Variants in NALCN observed in about 807,000 individuals in gnomAD.
NALCN encodes sodium leak channel NALCN.
A neutral mutation model predicts 225.3 loss-of-function variants in NALCN; 111 were observed. That is an observed-to-expected ratio of 0.49 (90% confidence interval 0.42 to 0.58). NALCN has a LOEUF of 0.58. NALCN is among the 20% of genes least tolerant of loss of function. The pLI, the probability that NALCN is intolerant of heterozygous loss-of-function variation, is 0.00. For synonymous variants in NALCN, 764 were observed against 769.0 expected, an observed-to-expected ratio of 0.99 and a Z score of 0.11; for missense variants, 1,378 against 2,202.4, an observed-to-expected ratio of 0.63 and a Z score of 7.49.
intron 10 of NALCN, among the ~76,000 whole-genome samples, chr13:101,266,131 A>G (rs2042588657): frequency 6.6e-6 from 1 of 152,180 alleles, no homozygotes; most frequent in Admixed American, 6.5e-5. Flanking sequence ...TGTAAAACGA[A>G]AATAAATGAG....
chr13:101,172,617 T>C (rs972754826), intron 15 of NALCN, among the ~76,000 whole-genome samples: 1 of 152,204 alleles, frequency 6.6e-6, no homozygotes, highest in Non-Finnish European at 1.5e-5. Flanking sequence ...TGGAGTACAG[T>C]GGCGCCATCT....
intron 10 of NALCN, among the ~76,000 whole-genome samples, chr13:101,283,354 G>A (rs2043231365): frequency 6.6e-6 from 1 of 152,088 alleles, no homozygotes; most frequent in African/African-American, 2.4e-5. Context: ...TGTTGTCAAT[G>A]GCAGCTTGGA....
chr13:101,335,595 G>A (rs1340400102), intron 7 of NALCN, among the ~76,000 whole-genome samples: 1 of 151,922 alleles, frequency 6.6e-6, no homozygotes, highest in Non-Finnish European at 1.5e-5. Flanking sequence ...CCTTTTAGTT[G>A]AATTCTATTG....
chr13:101,203,416 C>T (rs1035404640), intron 13 of NALCN, among the ~76,000 whole-genome samples: 6 of 152,246 alleles, frequency 3.9e-5, no homozygotes, highest in African/African-American at 1.4e-4. Flanking sequence ...GGGGTTTCAC[C>T]ATGTTGGCCA....
At chr13:101,058,429 G>A in intron 42 of NALCN, 2 of 156,850 alleles carry the variant, frequency 1.3e-5, no homozygotes, top group Non-Finnish European at 2.8e-5. Context: ...GGCGGGGGCA[G>A]TCTACTGTCA....
chr13:101,177,420 T>TATATAC (rs1555305776), intron 14 of NALCN, among the ~76,000 whole-genome samples: 1 of 142,298 alleles, frequency 7.0e-6, no homozygotes, highest in African/African-American at 2.5e-5. Flanking sequence ...TATATATATA[T>TATATAC]ATATATATAT....
At chr13:101,061,236 G>A (rs564976075) in intron 41 of NALCN, among the ~76,000 whole-genome samples, 31 of 152,252 alleles carry the variant, frequency 2.0e-4, no homozygotes, top group Non-Finnish European at 3.8e-4. Context: ...ATCTTGAGAG[G>A]TGGTCTTTTC....
intron 12 of NALCN, among the ~76,000 whole-genome samples, chr13:101,233,768 G>A (rs2041444618): frequency 6.6e-6 from 1 of 152,078 alleles, no homozygotes; most frequent in Admixed American, 6.5e-5. Context: ...ATGAGACAAT[G>A]CACTCAGCAA....
chr13:101,101,759 C>T (rs1375161005), intron 26 of NALCN, among the ~76,000 whole-genome samples: 1 of 152,092 alleles, frequency 6.6e-6, no homozygotes, highest in East Asian at 1.9e-4. Flanking sequence ...CTTCTTTGGT[C>T]TCAGCAGAGA....
intron 37 of NALCN, among the ~76,000 whole-genome samples, chr13:101,071,221 C>G (rs938922403): frequency 4.6e-5 from 7 of 152,228 alleles, no homozygotes; most frequent in African/African-American, 1.7e-4. Context: ...TGAGCATTGG[C>G]TTCCACTGAA....
intron 13 of NALCN, among the ~76,000 whole-genome samples, chr13:101,200,876 T>C (rs964815039): frequency 6.6e-6 from 1 of 152,210 alleles, no homozygotes; most frequent in Admixed American, 6.5e-5. Context: ...CCTTTGAAAT[T>C]TGATGACTCA....
chr13:101,365,711 C>T lies in NALCN; in HGVS notation c.644+10989G>A, dbSNP rs77272052. On this transcript the variant is annotated intron_variant, in intron 6 of 43. Transcript: ENST00000251127. ...ATTGAGATTCCTTAAAATCGAATAA[C>T]AGGCTGTTAGTGATTACTTTGAAAC... Among the ~76,000 whole-genome samples the T allele has an allele frequency of 7.5e-3, 1,147 of 152,158 alleles. 18 individuals are homozygous for T. Among genetic ancestry groups the T allele is most frequent in the East Asian group, 0.058 (299 of 5,162 alleles).
At chr13:101,218,666 G>A (rs1046765670) in intron 13 of NALCN, among the ~76,000 whole-genome samples, 1 of 152,120 alleles carries the variant, frequency 6.6e-6, no homozygotes, top group African/African-American at 2.4e-5. Flanking sequence ...ATGACACTGA[G>A]TGAGTCATCA....
intron 15 of NALCN, among the ~76,000 whole-genome samples, chr13:101,157,588 G>T (rs943426344): frequency 2.6e-5 from 4 of 152,090 alleles, no homozygotes; most frequent in African/African-American, 9.7e-5. Context: ...ATAAAAGACT[G>T]GTTGTTATCC....
At chr13:101,277,909 G>T (rs956250397) in intron 10 of NALCN, among the ~76,000 whole-genome samples, 4 of 152,172 alleles carry the variant, frequency 2.6e-5, no homozygotes, top group African/African-American at 9.7e-5. Flanking sequence ...CCACCACTCA[G>T]CTCTGGCCAA....
intron 15 of NALCN, among the ~76,000 whole-genome samples, chr13:101,160,660 GTTTTT>G (rs1182611916): frequency 6.6e-6 from 1 of 151,850 alleles, no homozygotes; most frequent in Non-Finnish European, 1.5e-5. Context: ...GTTTTGTTTT[GTTTTT>G]GTTTTTTTTT....
rs1207056266 is a variant in NALCN, at chr13:101,243,140, C to T, written c.1267-5218G>A. ...GTAAGCTTTCTTCCGTTGTTTATGA[C>T]AACTTTTCTTCTATCTGTTCGCTTT... On this transcript the variant is annotated intron_variant, in intron 11 of 43. Transcript: ENST00000251127. Among the ~76,000 whole-genome samples the T allele has an allele frequency of 1.5e-4, 14 of 94,016 alleles. 4 individuals carry two copies. Among genetic ancestry groups the T allele is most frequent in the Non-Finnish European group, 3.0e-4 (13 of 43,454 alleles). The allele number at this position is 94,016 out of a possible 152,430, so 61.7% of individuals were successfully genotyped here. A position where few individuals can be genotyped will look rare whatever the true frequency, so the allele number is the denominator to read the frequency against.
intron 1 of NALCN, among the ~76,000 whole-genome samples, chr13:101,401,284 T>A (rs2047470814): frequency 1.3e-5 from 2 of 152,298 alleles, no homozygotes; most frequent in South Asian, 4.1e-4. Flanking sequence ...ACAGAGTATT[T>A]AAAGTGTTTT....
intron 3 of NALCN, among the ~76,000 whole-genome samples, chr13:101,389,934 T>C (rs2047097149): frequency 6.6e-6 from 1 of 151,898 alleles, no homozygotes. Flanking sequence ...ATACAAAAAT[T>C]AGCCGGGTGT....
Sources: allele counts gnomAD v4.1 joint callset (sites outside exome capture counted in the v4.1 genomes callset), GRCh38; gene constraint gnomAD v4.1.1; transcripts MANE v1.5; gene names NCBI Gene and HGNC (gene_info 2026-07-23, HGNC 2026-07-21).